The following CCDC171 variants were observed in gnomAD, a reference collection of about 807,000 sequenced individuals.
CCDC171 encodes coiled-coil domain containing 171, also known as coiled-coil domain-containing protein 171.
CCDC171 carries 177 observed loss-of-function variants against 168.2 expected under a neutral mutation model. The observed-to-expected ratio is 1.05, with a 90% CI of 0.93 to 1.19. The LOEUF (loss-of-function observed/expected upper bound fraction) is 1.19. Among genes scored for constraint, CCDC171 ranks in the 50% most tolerant of loss-of-function variants. The pLI is 0.00. For missense variants in CCDC171, 1,991 were observed against 1,539.0 expected, an observed-to-expected ratio of 1.29 and a Z score of -4.91; for synonymous variants, 687 against 540.8, an observed-to-expected ratio of 1.27 and a Z score of -3.75.
At chr9:16,050,662 A>G (rs1332899236) in intron 1 of CCDC171, among the ~76,000 whole-genome samples, 2 of 152,250 alleles carry the variant, frequency 1.3e-5, no homozygotes, top group Non-Finnish European at 2.9e-5. Context: ...GCATTATCAC[A>G]ACATTGTCTT....
At chr9:16,065,072 G>T (rs1165869984), downstream of CCDC171, among the ~76,000 whole-genome samples, 2 of 152,196 alleles carry the variant, frequency 1.3e-5, no homozygotes, top group Non-Finnish European at 2.9e-5. Flanking sequence ...TGGGGGTGAT[G>T]CAATGCAGGC....
At chr9:15,571,092 GTCCACATGCATT>G (rs1381761228) in intron 2 of CCDC171, among the ~76,000 whole-genome samples, 1 of 152,142 alleles carries the variant, frequency 6.6e-6, no homozygotes, top group Non-Finnish European at 1.5e-5. Flanking sequence ...GTTACCACTT[GTCCACATGCATT>G]TCAGCTTCCA....
At position 15,591,481 on chromosome 9, in the gene CCDC171, C is replaced by T. The variant is rs146515484; in HGVS notation, c.468C>T (p.Asp156=). 5.8e-4 allele frequency: 933 copies of T among 1,606,716 alleles called. No homozygotes were observed. Among genetic ancestry groups the T allele is most frequent in the Non-Finnish European group, 7.1e-4 (835 of 1,176,224 alleles). ...RRFEHDLEER[D]NMIQNCNREY... The stretch of plus-strand genomic sequence containing the variant: ...TTGAACATGATTTGGAGGAAAGAGA[C>T]AATATGATCCAAAATTGCAATCGAG... Residue 156 remains aspartate, a synonymous_variant, in exon 5 of 26, where the codon GAC becomes GAT. Coordinates refer to ENST00000380701, the MANE Select transcript of CCDC171 (RefSeq NM_173550.4).
At chr9:15,732,334 C>A (rs1396705) in intron 16 of CCDC171, among the ~76,000 whole-genome samples, 2,688 of 152,160 alleles carry the variant, frequency 0.018, 94 homozygotes, top group South Asian at 0.12. Flanking sequence ...AGTTTGTGAT[C>A]CCTCTCAAAT....
At chr9:15,710,623 A>T (rs773546637) in intron 11 of CCDC171, among the ~76,000 whole-genome samples, 4 of 141,376 alleles carry the variant, frequency 2.8e-5, no homozygotes, top group Non-Finnish European at 6.1e-5. Flanking sequence ...TTTGAGATGG[A>T]GTCTCACTCT....
chr9:15,600,168 T>G (rs1417812246), intron 6 of CCDC171, among the ~76,000 whole-genome samples: 1 of 152,212 alleles, frequency 6.6e-6, no homozygotes, highest in East Asian at 1.9e-4. Context: ...AGCTTTGGTC[T>G]TTTGCTGGTG....
intron 3 of CCDC171, among the ~76,000 whole-genome samples, chr9:16,019,990 C>T (rs1003867409): frequency 1.3e-5 from 2 of 152,250 alleles, no homozygotes; most frequent in South Asian, 2.1e-4. Flanking sequence ...AATAGTTCCC[C>T]TTTATCTGCA....
chr9:15,743,561 T>C (rs2055046167), intron 16 of CCDC171, among the ~76,000 whole-genome samples: 1 of 152,238 alleles, frequency 6.6e-6, no homozygotes, highest in East Asian at 1.9e-4. Flanking sequence ...TGATTAATTG[T>C]GGTTCTTACA....
chr9:15,576,810 A>T (rs543521636), intron 3 of CCDC171, among the ~76,000 whole-genome samples: 7 of 152,172 alleles, frequency 4.6e-5, no homozygotes, highest in Admixed American at 1.3e-4. Flanking sequence ...CTCCTGGAGC[A>T]GACTGCATTT....
intron 1 of CCDC171, among the ~76,000 whole-genome samples, chr9:15,554,616 T>G (rs2038634849): frequency 6.6e-6 from 1 of 152,138 alleles, no homozygotes; most frequent in African/African-American, 2.4e-5. Context: ...CTAAAACGTT[T>G]TGGTTGTCTC....
chr9:15,598,551 G>A (rs1441334975), intron 6 of CCDC171, among the ~76,000 whole-genome samples: 1 of 152,132 alleles, frequency 6.6e-6, no homozygotes, highest in African/African-American at 2.4e-5. Context: ...CATTTGCTGA[G>A]GAGTGCTTTA....
At chr9:16,102,006 G>A in the CCDC171 span, among the ~76,000 whole-genome samples, 2 of 152,330 alleles carry the variant, frequency 1.3e-5, no homozygotes, top group Admixed American at 1.3e-4. Context: ...TTAAGCTGCC[G>A]AGTTTGTGGT....
At chr9:15,805,329 G>A (rs1043639487) in intron 21 of CCDC171, among the ~76,000 whole-genome samples, 3 of 152,006 alleles carry the variant, frequency 2.0e-5, no homozygotes, top group Non-Finnish European at 4.4e-5. Flanking sequence ...TTTTAGTTGT[G>A]ATGTTAGGTT....
chr9:15,592,862 GTTTTTA>G (rs1239699096), intron 5 of CCDC171, among the ~76,000 whole-genome samples: 11 of 151,900 alleles, frequency 7.2e-5, no homozygotes, highest in African/African-American at 2.4e-4. Flanking sequence ...GGCTTTTTTT[GTTTTTA>G]TTTTTATTTT....
chr9:15,782,675 A>C (rs532602373), intron 20 of CCDC171, among the ~76,000 whole-genome samples: 1 of 152,322 alleles, frequency 6.6e-6, no homozygotes, highest in South Asian at 2.1e-4. Flanking sequence ...GAAGAGGTAC[A>C]AAAATATATG....
At position 15,984,321 on chromosome 9, in the gene CCDC171, G is replaced by A. The variant is rs144896316; in HGVS notation, n.369-36268G>A. On this transcript the variant is annotated intron_variant and non_coding_transcript_variant, in intron 3 of 9. Coordinates refer to the CCDC171 transcript ENST00000486641. Reference sequence around the variant, plus strand: ...TAAAAGATGATGCTAACTTTGTGCCGGTAATAGTGTCACTGTGGTTAGGTA... The same window carrying A: ...TAAAAGATGATGCTAACTTTGTGCCAGTAATAGTGTCACTGTGGTTAGGTA... 1.0e-2 allele frequency among the ~76,000 whole-genome samples: 1,518 copies of A among 152,192 alleles called. 20 individuals carry two copies. Among genetic ancestry groups the A allele is most frequent in the African/African-American group, 0.034 (1,426 of 41,536 alleles).
chr9:15,993,197 C>T (rs12004574), intron 3 of CCDC171, among the ~76,000 whole-genome samples: 10,231 of 149,932 alleles, frequency 0.068, 1,194 homozygotes, highest in African/African-American at 0.25. Flanking sequence ...TCAAACTATA[C>T]TACATGGCTA....
chr9:15,978,941 T>G (rs1006444153), downstream of CCDC171, among the ~76,000 whole-genome samples: 64 of 152,292 alleles, frequency 4.2e-4, no homozygotes, highest in African/African-American at 1.5e-3. Context: ...ACTTTCTATC[T>G]CTATGGATTT....
the CCDC171 span, among the ~76,000 whole-genome samples, chr9:16,089,339 C>T: frequency 6.6e-6 from 1 of 152,068 alleles, no homozygotes; most frequent in Non-Finnish European, 1.5e-5. Context: ...CCTGTTCACT[C>T]TGATGGTAGT....
Sources: allele counts gnomAD v4.1 joint callset (sites outside exome capture counted in the v4.1 genomes callset), GRCh38; gene constraint gnomAD v4.1.1; transcripts MANE v1.5; gene names NCBI Gene and HGNC (gene_info 2026-07-23, HGNC 2026-07-21).